GRID1: variants seen among roughly 807,000 people sequenced by gnomAD.
GRID1 encodes glutamate ionotropic receptor delta type subunit 1, also known as glutamate receptor ionotropic, delta-1.
GRID1 carries 28 observed loss-of-function variants against 98.0 expected under a neutral mutation model. The ratio of observed to expected loss-of-function variants is 0.29; its 90% CI spans 0.21 to 0.39. The LOEUF (loss-of-function observed/expected upper bound fraction) is 0.39, where lower values mean the gene tolerates loss of function less well. Ranked by LOEUF, GRID1 falls within the 10% of genes least tolerant of loss-of-function variation. The pLI is 1.00. For synonymous variants in GRID1, 553 were observed against 538.5 expected (o/e 1.03, Z -0.37); for missense variants, 1,111 against 1,340.5 (o/e 0.83, Z 2.67).
intron 8 of GRID1, among the ~76,000 whole-genome samples, chr10:85,742,057 T>C (rs553923799): frequency 6.6e-6 from 1 of 152,360 alleles, no homozygotes; most frequent in African/African-American, 2.4e-5. Flanking sequence ...AAGACCTTGC[T>C]ATTTTCTTCA....
chr10:86,076,824 T>C (rs1001635300), intron 4 of GRID1, among the ~76,000 whole-genome samples: 3 of 147,924 alleles, frequency 2.0e-5, no homozygotes, highest in African/African-American at 7.5e-5. Context: ...GCTCAACCTT[T>C]GGCCTTCCTT....
intron 13 of GRID1, among the ~76,000 whole-genome samples, chr10:85,645,139 C>A (rs1334981505): frequency 6.6e-6 from 1 of 151,732 alleles, no homozygotes; most frequent in African/African-American, 2.4e-5. Flanking sequence ...TTAACAAAGT[C>A]AAAAGTAGCT....
intron 2 of GRID1, among the ~76,000 whole-genome samples, chr10:86,334,851 C>T (rs1315893319): frequency 6.6e-6 from 1 of 152,224 alleles, no homozygotes; most frequent in African/African-American, 2.4e-5. Flanking sequence ...TTCCAGAACA[C>T]AGGCCTGTTA....
chr10:85,768,413 T>TTA (rs1554830016), intron 8 of GRID1, among the ~76,000 whole-genome samples: 3 of 149,848 alleles, frequency 2.0e-5, no homozygotes, highest in Non-Finnish European at 4.5e-5. Context: ...TTCCAAGTGG[T>TTA]AAAAAAAAAA....
intron 12 of GRID1, among the ~76,000 whole-genome samples, chr10:85,691,261 A>G (rs913577725): frequency 4.6e-5 from 7 of 152,202 alleles, no homozygotes; most frequent in Non-Finnish European, 1.0e-4. Flanking sequence ...TCCTCTGCCA[A>G]CGAGAGTTTA....
chr10:85,935,306 T>G (rs1589304638), intron 4 of GRID1, among the ~76,000 whole-genome samples: 1 of 152,114 alleles, frequency 6.6e-6, no homozygotes, highest in South Asian at 2.1e-4. Context: ...TGAGGCAGGG[T>G]GAGAGGTCAC....
chr10:86,349,863 C>T (rs765498846), intron 2 of GRID1, among the ~76,000 whole-genome samples: 1 of 152,190 alleles, frequency 6.6e-6, no homozygotes, highest in Non-Finnish European at 1.5e-5. Context: ...TGGCAGTAAA[C>T]AAGACAGACA....
chr10:85,731,512 A>G (rs1841821199), intron 8 of GRID1, among the ~76,000 whole-genome samples: 1 of 151,976 alleles, frequency 6.6e-6, no homozygotes. Flanking sequence ...TTGGACCTTA[A>G]AAAATAGGCT....
At chr10:85,785,446 A>T (rs1232672203) in intron 8 of GRID1, among the ~76,000 whole-genome samples, 2 of 152,198 alleles carry the variant, frequency 1.3e-5, no homozygotes, top group Admixed American at 6.5e-5. Flanking sequence ...AAAAGTGGGG[A>T]CTAGGAAGGG....
intron 4 of GRID1, among the ~76,000 whole-genome samples, chr10:86,002,772 G>A (rs999651193): frequency 7.2e-5 from 11 of 152,166 alleles, no homozygotes; most frequent in Admixed American, 3.3e-4. Context: ...TTTCAAAACC[G>A]TGGTTAATGA....
intron 2 of GRID1, among the ~76,000 whole-genome samples, chr10:86,228,816 C>G (rs753213762): frequency 1.3e-5 from 2 of 152,178 alleles, no homozygotes; most frequent in African/African-American, 4.8e-5. Flanking sequence ...CTCTTTTATA[C>G]TCACTTGGCA....
rs1240392713 is a variant in GRID1, at chr10:86,366,268, G to A, written c.79+46C>T. 3 of 1,391,860 alleles carry A rather than the reference G, an allele frequency of 2.2e-6. No individual in the cohort carries two copies. In the African/African-American group the frequency reaches 4.6e-5, roughly 21 times the overall value. The allele number at this position is 1,391,860 out of a possible 1,614,324, so 86.2% of individuals were successfully genotyped here. A position where few individuals can be genotyped will look rare whatever the true frequency, so the allele number is the denominator to read the frequency against. ...TTGGACGCCGCGCACCCCCTGCCCC[G>A]TTGGGGCCCCCGCCCAGCCTCGGCC... On this transcript the variant is annotated intron_variant, in intron 1 of 15. Coordinates refer to ENST00000327946, the MANE Select transcript of GRID1 (RefSeq NM_017551.3). This position sits in a 1 kb window ranked among gnomAD's most constrained non-coding sequence, Gnocchi z 4.1.
intron 1 of GRID1, among the ~76,000 whole-genome samples, chr10:86,364,719 T>C (rs1180388432): frequency 1.3e-5 from 2 of 152,208 alleles, no homozygotes; most frequent in African/African-American, 4.8e-5. Context: ...CTACTCTCCA[T>C]CCTTCCCCAC....
chr10:85,700,352 C>T (rs564855940), intron 12 of GRID1, among the ~76,000 whole-genome samples: 1 of 152,176 alleles, frequency 6.6e-6, no homozygotes, highest in African/African-American at 2.4e-5. Flanking sequence ...GTCAGTCAAT[C>T]TCCTGTGTCT....
chr10:86,110,378 G>C (rs1027260140), intron 4 of GRID1, among the ~76,000 whole-genome samples: 1 of 152,174 alleles, frequency 6.6e-6, no homozygotes, highest in Non-Finnish European at 1.5e-5. Flanking sequence ...GGGCTGCTGG[G>C]TCTGTCTGTG....
At chr10:85,615,186 G>C (rs1048005609) in intron 14 of GRID1, among the ~76,000 whole-genome samples, 5 of 152,146 alleles carry the variant, frequency 3.3e-5, no homozygotes, top group African/African-American at 1.2e-4. Context: ...AACCCTGAGG[G>C]GGTCCCAAGA....
At chr10:85,726,097 A>C (rs1185688594) in intron 10 of GRID1, among the ~76,000 whole-genome samples, 1 of 152,192 alleles carries the variant, frequency 6.6e-6, no homozygotes, top group Non-Finnish European at 1.5e-5. Flanking sequence ...TGACAGTGGG[A>C]CAGACTGACA....
chr10:86,104,530 G>A (rs1328196670), intron 4 of GRID1, among the ~76,000 whole-genome samples: 1 of 152,186 alleles, frequency 6.6e-6, no homozygotes, highest in Admixed American at 6.5e-5. Flanking sequence ...AAGGCCCCCA[G>A]CCCTAGCTGG....
intron 3 of GRID1, among the ~76,000 whole-genome samples, chr10:86,185,737 T>C (rs1845717499): frequency 6.6e-6 from 1 of 152,226 alleles, no homozygotes; most frequent in Non-Finnish European, 1.5e-5. Flanking sequence ...TTTAAGTCTA[T>C]AATAATGGTG....
Sources: allele counts gnomAD v4.1 joint callset (sites outside exome capture counted in the v4.1 genomes callset), GRCh38; gene constraint gnomAD v4.1.1; non-coding constraint Gnocchi (gnomAD v3.1); transcripts MANE v1.5; gene names NCBI Gene and HGNC (gene_info 2026-07-23, HGNC 2026-07-21).